Variants in RBFOX1 observed in about 807,000 individuals in gnomAD.
RBFOX1 encodes the protein RNA binding fox-1 homolog 1, also known as RNA binding protein fox-1 homolog 1.
RBFOX1 carries 8 observed loss-of-function variants against 57.7 expected under a neutral mutation model. The ratio of observed to expected loss-of-function variants is 0.14; its 90% CI spans 0.08 to 0.25. RBFOX1 has a LOEUF of 0.25. RBFOX1 is among the 10% of genes least tolerant of loss of function. The pLI, the probability that RBFOX1 is intolerant of heterozygous loss-of-function variation, is 1.00. For missense variants in RBFOX1, 611 were observed against 548.5 expected (o/e 1.11, Z -1.14); for synonymous variants, 326 against 222.4 (o/e 1.47, Z -4.15).
intron 3 of RBFOX1, among the ~76,000 whole-genome samples, chr16:7,046,759 T>C (rs958607609): frequency 6.6e-6 from 1 of 151,722 alleles, no homozygotes; most frequent in Non-Finnish European, 1.5e-5. Flanking sequence ...GCACGCGCCA[T>C]CATGCCCAGC....
intron 3 of RBFOX1, among the ~76,000 whole-genome samples, chr16:5,843,080 G>A (rs1222838968): frequency 6.6e-6 from 1 of 152,150 alleles, no homozygotes; most frequent in Non-Finnish European, 1.5e-5. Flanking sequence ...ACCCGCCTTG[G>A]CCTCCCAAAG....
chr16:6,074,098 G>C (rs920468787), intron 1 of RBFOX1, among the ~76,000 whole-genome samples: 17 of 152,018 alleles, frequency 1.1e-4, no homozygotes, highest in Non-Finnish European at 4.4e-5. Flanking sequence ...ATAGGCGCCC[G>C]CCACCACGCC....
intron 4 of RBFOX1, among the ~76,000 whole-genome samples, chr16:7,067,608 A>G (rs1032832428): frequency 2.6e-5 from 4 of 151,918 alleles, no homozygotes; most frequent in Non-Finnish European, 4.4e-5. Flanking sequence ...GTATGTATAC[A>G]TGTGCCATGT....
At chr16:7,432,040 C>T (rs888367490) in intron 4 of RBFOX1, among the ~76,000 whole-genome samples, 1 of 152,220 alleles carries the variant, frequency 6.6e-6, no homozygotes, top group African/African-American at 2.4e-5. Flanking sequence ...TCCTTACACC[C>T]AGCCCAGTGG....
At chr16:5,614,682 C>A (rs2047954749) in intron 3 of RBFOX1, among the ~76,000 whole-genome samples, 1 of 152,106 alleles carries the variant, frequency 6.6e-6, no homozygotes, top group Non-Finnish European at 1.5e-5. Flanking sequence ...TCCACCCCTA[C>A]CCCCTGTACA....
chr16:7,354,558 C>G (rs529686478), intron 4 of RBFOX1, among the ~76,000 whole-genome samples: 2 of 152,266 alleles, frequency 1.3e-5, no homozygotes, highest in East Asian at 3.9e-4. Flanking sequence ...CTAAACTCAG[C>G]TTTTCAAAGG....
intron 1 of RBFOX1, among the ~76,000 whole-genome samples, chr16:5,419,359 C>G (rs140260525): frequency 6.6e-6 from 1 of 152,024 alleles, no homozygotes; most frequent in Non-Finnish European, 1.5e-5. Context: ...GCATCCAGCA[C>G]GAGAGAAAGA....
rs1401736432 is a variant in RBFOX1, at chr16:7,454,400, G to GT, written c.28-63747_28-63746insT. ...TTAAAACTGTACCATATCAAAGGCAGATTGTCTCCCAAGTTATCAAGTCAA... is the reference window on the plus strand; with the variant it reads ...TTAAAACTGTACCATATCAAAGGCAGTATTGTCTCCCAAGTTATCAAGTCAA... On this transcript the variant is annotated intron_variant, in intron 4 of 15. Transcript: ENST00000550418. Among the ~76,000 whole-genome samples the GT allele has an allele frequency of 1.2e-3, 190 of 152,344 alleles. 2 individuals are homozygous for GT. The highest frequency in any genetic ancestry group is 4.0e-3 in the African/African-American group (165 of 41,572).
chr16:6,873,069 C>G (rs745557122), intron 3 of RBFOX1, among the ~76,000 whole-genome samples: 3 of 151,286 alleles, frequency 2.0e-5, no homozygotes, highest in Admixed American at 6.6e-5. Context: ...CAAAGCCACC[C>G]AAACTTCTGA....
At chr16:7,257,285 C>A (rs1188921843) in intron 4 of RBFOX1, among the ~76,000 whole-genome samples, 1 of 152,186 alleles carries the variant, frequency 6.6e-6, no homozygotes, top group Non-Finnish European at 1.5e-5. Flanking sequence ...AGTATCATTT[C>A]TTTCCCAGAA....
At chr16:5,378,061 G>T (rs148552707) in intron 1 of RBFOX1, among the ~76,000 whole-genome samples, 1 of 151,660 alleles carries the variant, frequency 6.6e-6, no homozygotes, top group African/African-American at 2.4e-5. Flanking sequence ...CAAGACAACA[G>T]CACAGTGTTG....
rs150099269 is a variant in RBFOX1, at chr16:5,362,789, T to C, written c.220-104427T>C. ...GAGAGTCATCCTGTAAGTGGAATCATATAGCATTTGTCTTTGTGTAACTGG... is the reference window on the plus strand; with the variant it reads ...GAGAGTCATCCTGTAAGTGGAATCACATAGCATTTGTCTTTGTGTAACTGG... On this transcript the variant is annotated intron_variant, in intron 1 of 2. Coordinates refer to the RBFOX1 transcript ENST00000585867. 1.5e-3 allele frequency among the ~76,000 whole-genome samples: 234 copies of C among 152,310 alleles called. 4 individuals carry two copies. The highest frequency in any genetic ancestry group is 5.3e-3 in the African/African-American group (220 of 41,564).
intron 3 of RBFOX1, among the ~76,000 whole-genome samples, chr16:6,951,391 T>G (rs1393967511): frequency 1.3e-5 from 2 of 152,186 alleles, no homozygotes; most frequent in Admixed American, 1.3e-4. Flanking sequence ...TATAATGGCT[T>G]AAAACAATAA....
intron 3 of RBFOX1, among the ~76,000 whole-genome samples, chr16:5,837,248 C>T (rs1036142935): frequency 2.0e-5 from 3 of 150,638 alleles, no homozygotes; most frequent in African/African-American, 2.5e-5. Flanking sequence ...CTAGACTTTT[C>T]TCAGTTTTTT....
intron 3 of RBFOX1, among the ~76,000 whole-genome samples, chr16:5,865,355 G>A (rs1034095442): frequency 6.6e-6 from 1 of 152,194 alleles, no homozygotes; most frequent in Non-Finnish European, 1.5e-5. Context: ...CCAGGAATGA[G>A]GGAGGGGAGG....
In RBFOX1 at chr16:5,786,161, C is replaced by G. The variant is rs757182610; in HGVS notation, c.319-81142C>G. On this transcript the variant is annotated intron_variant, in intron 3 of 19. Transcript: ENST00000641259. ...TTGCTCCACCTCTCACCCCAGAAGA[C>G]ACCTGCCTCCACTGTGTTCTCTCTG... Among the ~76,000 whole-genome samples, 47 of 152,216 alleles carry G rather than the reference C, an allele frequency of 3.1e-4. 1 individual carries two copies. The highest frequency in any genetic ancestry group is 4.4e-5 in the Non-Finnish European group (3 of 68,038).
At chr16:7,239,075 C>A (rs563968973) in intron 4 of RBFOX1, among the ~76,000 whole-genome samples, 3 of 152,140 alleles carry the variant, frequency 2.0e-5, no homozygotes, top group East Asian at 3.9e-4. Flanking sequence ...CACATCCTTG[C>A]TATTGTGAAT....
At chr16:5,936,147 A>C (rs956733402) in intron 4 of RBFOX1, among the ~76,000 whole-genome samples, 2 of 152,066 alleles carry the variant, frequency 1.3e-5, no homozygotes, top group Non-Finnish European at 2.9e-5. Context: ...GTTTTGAGAC[A>C]GAGTTTCACT....
intron 2 of RBFOX1, among the ~76,000 whole-genome samples, chr16:6,503,853 C>T (rs1471583126): frequency 6.6e-6 from 1 of 152,116 alleles, no homozygotes; most frequent in Non-Finnish European, 1.5e-5. Context: ...CCATTGTTTG[C>T]ATCTACCCAG....
Sources: allele counts gnomAD v4.1 joint callset (sites outside exome capture counted in the v4.1 genomes callset), GRCh38; gene constraint gnomAD v4.1.1; transcripts MANE v1.5; gene names NCBI Gene and HGNC (gene_info 2026-07-23, HGNC 2026-07-21).